The following HSD17B2 variants were observed in gnomAD, a reference collection of about 807,000 sequenced individuals.
HSD17B2 encodes the protein 17-beta-hydroxysteroid dehydrogenase type 2.
A neutral mutation model predicts 26.9 loss-of-function variants in HSD17B2; 32 were observed. The observed-to-expected ratio is 1.19, with a 90% CI of 0.90 to 1.60. The LOEUF (loss-of-function observed/expected upper bound fraction) is 1.60. Ranked by LOEUF, HSD17B2 falls within the 40% of genes most tolerant of loss-of-function variation. The pLI is 0.00. For synonymous variants in HSD17B2, 246 were observed against 186.7 expected, an observed-to-expected ratio of 1.32 and a Z score of -2.59; for missense variants, 613 against 468.6, an observed-to-expected ratio of 1.31 and a Z score of -2.85.
chr16:82,036,320 TTGTG>T (rs10609893), intron 1 of HSD17B2, among the ~76,000 whole-genome samples: 9,113 of 145,764 alleles, frequency 0.063, 709 homozygotes, highest in African/African-American at 0.19. Context: ...TTTCCCTTGT[TTGTG>T]TGTGTGTGTG....
At chr16:82,072,170 G>C (rs1330975125) in intron 3 of HSD17B2, among the ~76,000 whole-genome samples, 1 of 152,110 alleles carries the variant, frequency 6.6e-6, no homozygotes, top group Non-Finnish European at 1.5e-5. Context: ...TCTTTGACTA[G>C]AGTCTTGGTT....
intron 1 of HSD17B2, among the ~76,000 whole-genome samples, chr16:82,062,489 T>C (rs183486420): frequency 5.7e-4 from 87 of 152,384 alleles, no homozygotes; most frequent in African/African-American, 1.9e-3. Context: ...GCATCCACTA[T>C]GGGCTAAGCC....
chr16:82,091,102 G>T (rs755144521), intron 4 of HSD17B2, 63 bp downstream of exon 4: 1 of 1,507,742 alleles, frequency 6.6e-7, no homozygotes, highest in Non-Finnish European at 9.2e-7. Context: ...AGGTCCTCTT[G>T]GTCTGACAGA....
intron 3 of HSD17B2, among the ~76,000 whole-genome samples, chr16:82,083,046 G>C (rs1176913263): frequency 6.6e-6 from 1 of 152,066 alleles, no homozygotes; most frequent in Non-Finnish European, 1.5e-5. Flanking sequence ...CTTCCCAGTG[G>C]TACCTTATTG....
chr16:82,065,556 G>T (rs915210878), intron 1 of HSD17B2, among the ~76,000 whole-genome samples: 1 of 152,058 alleles, frequency 6.6e-6, no homozygotes, highest in Non-Finnish European at 1.5e-5. Flanking sequence ...AATGGGAAAG[G>T]CTGTCCACGA....
intron 3 of HSD17B2, among the ~76,000 whole-genome samples, chr16:82,080,067 T>C (rs1340764367): frequency 1.3e-5 from 2 of 152,192 alleles, no homozygotes; most frequent in Admixed American, 6.5e-5. Context: ...TTTGGTGGCA[T>C]AGATTTATCA....
rs1344777427 is a variant in HSD17B2 at position 82,082,341 on chromosome 16, G to A, written c.665-8561G>A. Among the ~76,000 whole-genome samples the A allele has an allele frequency of 7.2e-5, 11 of 152,044 alleles. 1 individual carries two copies. Among genetic ancestry groups the A allele is most frequent in the Admixed American group, 6.6e-4 (10 of 15,264 alleles). On this transcript the variant is annotated intron_variant, in intron 3 of 4. Transcript: ENST00000199936. Reference sequence around the variant, plus strand: ...GTTGGAATGTACACATTGCTTAAAAGGATGTTTGCCTGAAAGTTCAAACTC... The same window carrying A: ...GTTGGAATGTACACATTGCTTAAAAAGATGTTTGCCTGAAAGTTCAAACTC...
Position 82,035,617 on chromosome 16 carries a change from T to C in HSD17B2, c.193T>C (p.Cys65Arg), listed in dbSNP as rs1913604926. The change falls in exon 1 of 5, where the codon TGC becomes CGC. Residue 65 changes from cysteine (C) to arginine (R), a missense_variant. Physicochemically the swap from Cys to Arg is radical, Grantham distance 180 (BLOSUM62 -3). Coordinates refer to ENST00000199936, the MANE Select transcript of HSD17B2 (RefSeq NM_002153.3). ...GGGCTTGATCCTCTTCTCGGTGTCA[T>C]GCTTCCTCATGTATACTTACTTATC... is the stretch of plus-strand genomic sequence containing the variant. ...FWGLILFSVS[C>R]FLMYTYLSGQ... is the part of the protein sequence containing the mutation. 1 of 1,613,928 alleles carries C rather than the reference T, an allele frequency of 6.2e-7. No homozygotes were observed. Among genetic ancestry groups the C allele is most frequent in the Non-Finnish European group, 8.5e-7 (1 of 1,180,034 alleles).
At position 82,090,933 on chromosome 16, in the gene HSD17B2, T is replaced by C. The variant is rs200540657; in HGVS notation, c.696T>C (p.Tyr232=). Residue 232 remains tyrosine (Y), a synonymous_variant, in exon 4 of 5, where the codon TAT becomes TAC. Transcript: ENST00000199936. ...GGAPMERLAS[Y]GSSKAAVTMF... ...CCCCAATGGAAAGGCTGGCATCTTA[T>C]GGCTCATCAAAGGCGGCTGTGACCA... 3 of 1,613,982 alleles carry C rather than the reference T, an allele frequency of 1.9e-6. No homozygotes were observed. The highest frequency in any genetic ancestry group is 1.7e-5 in the Admixed American group (1 of 60,004).
intron 1 of HSD17B2, chr16:82,063,093 C>A (rs945385188): frequency 2.0e-5 from 3 of 152,210 alleles, no homozygotes; most frequent in Non-Finnish European, 4.4e-5. Flanking sequence ...ATAATCCTAC[C>A]TTCCATGTGA....
chr16:82,081,077 C>T (rs1029489323), intron 3 of HSD17B2, among the ~76,000 whole-genome samples: 2 of 152,152 alleles, frequency 1.3e-5, no homozygotes, highest in Non-Finnish European at 2.9e-5. Context: ...CTCCTTCCTT[C>T]TCCCATAACC....
intron 3 of HSD17B2, among the ~76,000 whole-genome samples, chr16:82,077,046 G>A (rs556674845): frequency 6.6e-6 from 1 of 152,258 alleles, no homozygotes; most frequent in Admixed American, 6.5e-5. Context: ...GATATTCCAT[G>A]TCCATAGGTT....
rs148644028 is a variant in HSD17B2 at position 82,083,259 on chromosome 16, C to T, written c.665-7643C>T. ...GCAATCTAGAGTCAACCATGTCCTTCCCTCCGGTGTCCTTCCCTCCTACAT... is the reference window on the plus strand; with the variant it reads ...GCAATCTAGAGTCAACCATGTCCTTTCCTCCGGTGTCCTTCCCTCCTACAT... On this transcript the variant is annotated intron_variant, in intron 3 of 4. Transcript: ENST00000199936. 1.8e-3 allele frequency among the ~76,000 whole-genome samples: 274 copies of T among 152,262 alleles called. 2 individuals are homozygous for T. The highest frequency in any genetic ancestry group is 6.3e-3 in the African/African-American group (262 of 41,550).
chr16:82,095,515 C>A (rs1015519051), intron 4 of HSD17B2: 1 of 152,784 alleles, frequency 6.5e-6, no homozygotes, highest in Non-Finnish European at 1.5e-5. Context: ...GGAAAGTAAT[C>A]TGGCAGTAGC....
At chr16:82,097,374 C>CACACACAT (rs1451172740) in intron 4 of HSD17B2, 1 of 101,114 alleles carries the variant, frequency 9.9e-6, no homozygotes. Context: ...CACACACACA[C>CACACACAT]ACAGACACAT....
chr16:82,043,723 A>G (rs1317580017), intron 1 of HSD17B2, among the ~76,000 whole-genome samples: 1 of 149,998 alleles, frequency 6.7e-6, no homozygotes, highest in African/African-American at 2.4e-5. Flanking sequence ...AATCATATAG[A>G]TAAACTTTAT....
At chr16:82,088,258 C>G (rs1008790207) in intron 3 of HSD17B2, among the ~76,000 whole-genome samples, 5 of 152,222 alleles carry the variant, frequency 3.3e-5, no homozygotes, top group African/African-American at 9.6e-5. Flanking sequence ...ACATATGGAG[C>G]CTTTTGGGCT....
In HSD17B2 at chr16:82,046,814, C is replaced by T. The variant is rs8191069; in HGVS notation, c.265+11125C>T. 7.9e-3 allele frequency among the ~76,000 whole-genome samples: 1,207 copies of T among 152,128 alleles called. 17 individuals are homozygous for T. Among genetic ancestry groups the T allele is most frequent in the African/African-American group, 0.028 (1,145 of 41,446 alleles). Reference sequence around the variant, plus strand: ...GGTTTTTATTATTAACCCCACTCAACGATGAAGAAATTGAGGTTTTTCAAG... The same window carrying T: ...GGTTTTTATTATTAACCCCACTCAATGATGAAGAAATTGAGGTTTTTCAAG... On this transcript the variant is annotated intron_variant, in intron 1 of 4. Transcript: ENST00000199936.
At chr16:82,065,387 C>T (rs1186958578) in intron 1 of HSD17B2, among the ~76,000 whole-genome samples, 1 of 152,140 alleles carries the variant, frequency 6.6e-6, no homozygotes, top group Non-Finnish European at 1.5e-5. Flanking sequence ...TTTGTCTCTG[C>T]ACTGCAGAAC....
Sources: gnomAD v4.1 joint callset for allele counts (sites outside exome capture counted in the v4.1 genomes callset) on GRCh38, gnomAD v4.1.1 for gene constraint, MANE v1.5 for transcripts, NCBI Gene and HGNC (gene_info 2026-07-23, HGNC 2026-07-21) for gene names.